Variants in PLXNA4 observed in about 807,000 individuals in gnomAD.
PLXNA4 encodes plexin-A4.
PLXNA4 carries 44 observed loss-of-function variants against 191.8 expected under a neutral mutation model. The ratio of observed to expected loss-of-function variants is 0.23; its 90% CI spans 0.18 to 0.29. PLXNA4 has a LOEUF of 0.29. Among genes scored for constraint, PLXNA4 ranks in the 10% least tolerant of loss-of-function variants. The pLI is 1.00. For missense variants in PLXNA4, 1,800 were observed against 2,488.8 expected (o/e 0.72, Z 5.89); for synonymous variants, 1,082 against 1,009.5 (o/e 1.07, Z -1.36).
intron 3 of PLXNA4, among the ~76,000 whole-genome samples, chr7:132,468,952 A>G (rs1345026157): frequency 6.6e-6 from 1 of 152,028 alleles, no homozygotes; most frequent in African/African-American, 2.4e-5. Context: ...AGCACAGAAC[A>G]TGGCCTGTGG....
chr7:132,497,598 C>T (rs898519505), intron 2 of PLXNA4, among the ~76,000 whole-genome samples: 2 of 152,146 alleles, frequency 1.3e-5, no homozygotes, highest in Admixed American at 1.3e-4. Context: ...ACCTGACTAT[C>T]CAATCCTCTG....
intron 3 of PLXNA4, among the ~76,000 whole-genome samples, chr7:132,346,768 A>G (rs1803260135): frequency 6.6e-6 from 1 of 152,250 alleles, no homozygotes; most frequent in South Asian, 2.1e-4. Flanking sequence ...GAGAATTTAC[A>G]CATACACACA....
chr7:132,527,911 G>A, intron 1 of PLXNA4, among the ~76,000 whole-genome samples: 1 of 152,142 alleles, frequency 6.6e-6, no homozygotes. Flanking sequence ...AGGAGATAAG[G>A]TGACCTTCTG....
intron 21 of PLXNA4, among the ~76,000 whole-genome samples, chr7:132,169,036 C>T (rs1040772082): frequency 1.3e-5 from 2 of 152,208 alleles, no homozygotes; most frequent in African/African-American, 4.8e-5. Context: ...GCTGTTGATA[C>T]ACCAGTGGCC....
chr7:132,235,653 T>A (rs1298972576), intron 5 of PLXNA4, among the ~76,000 whole-genome samples: 1 of 152,292 alleles, frequency 6.6e-6, no homozygotes, highest in East Asian at 1.9e-4. Context: ...CTGATGACTT[T>A]TCTTAAGAAA....
At position 132,126,117 on chromosome 7, in the gene PLXNA4, T is replaced by TTTTC. The variant is rs1239589701; in HGVS notation, c.*4358_*4361dup. 2 of 152,522 alleles carry TTTTC rather than the reference T, an allele frequency of 1.3e-5. No individual in the cohort carries two copies. Among genetic ancestry groups the TTTTC allele is most frequent in the South Asian group, 2.1e-4 (1 of 4,824 alleles). The allele number at this position is 152,522 out of a possible 1,614,324, so 9.4% of individuals were successfully genotyped here. A position where few individuals can be genotyped will look rare whatever the true frequency, so the allele number is the denominator to read the frequency against. On this transcript the variant is annotated 3_prime_UTR_variant, in exon 32 of 32. Coordinates refer to ENST00000321063, the MANE Select transcript of PLXNA4 (RefSeq NM_020911.2). ...GAAAGAAGACAGATGGAAATTGAGC[T>TTTTC]TTTCTTTTTAGGTCACAGAGGGTGG... is the stretch of plus-strand genomic sequence containing the variant.
chr7:132,322,449 C>T (rs983875047), intron 3 of PLXNA4, among the ~76,000 whole-genome samples: 3 of 152,170 alleles, frequency 2.0e-5, no homozygotes, highest in Non-Finnish European at 4.4e-5. Flanking sequence ...TCCCAAAGTG[C>T]TGGGATTACA....
chr7:132,220,815 T>A (rs929395279), intron 9 of PLXNA4, among the ~76,000 whole-genome samples: 4 of 145,262 alleles, frequency 2.8e-5, no homozygotes, highest in South Asian at 4.5e-4. Flanking sequence ...TTATTCTTTT[T>A]TTTTTTTTTT....
chr7:132,165,741 G>A (rs1796103408), intron 22 of PLXNA4, among the ~76,000 whole-genome samples: 1 of 150,612 alleles, frequency 6.6e-6, no homozygotes, highest in Non-Finnish European at 1.5e-5. Flanking sequence ...CCCAAATCCT[G>A]GGGAGGTACC....
chr7:132,574,949 A>T (rs1008008374), intron 1 of PLXNA4, among the ~76,000 whole-genome samples: 1 of 152,076 alleles, frequency 6.6e-6, no homozygotes. Flanking sequence ...TATTTTTTCC[A>T]CTGGTGGGTC....
At chr7:132,141,726 C>T (rs1444153761) in intron 29 of PLXNA4, among the ~76,000 whole-genome samples, 1 of 152,010 alleles carries the variant, frequency 6.6e-6, no homozygotes, top group Non-Finnish European at 1.5e-5. Flanking sequence ...TCTTTCCTTT[C>T]CTTTCTTTCT....
At chr7:132,396,017 TAGAC>T (rs1793740886) in intron 3 of PLXNA4, among the ~76,000 whole-genome samples, 2 of 152,310 alleles carry the variant, frequency 1.3e-5, no homozygotes, top group South Asian at 4.1e-4. Flanking sequence ...TCACTGGAGA[TAGAC>T]AGTGATGTTG....
chr7:132,474,031 C>G (rs1194144369), intron 3 of PLXNA4, among the ~76,000 whole-genome samples: 1 of 151,282 alleles, frequency 6.6e-6, no homozygotes, highest in Non-Finnish European at 1.5e-5. Flanking sequence ...AAGCTGCAAA[C>G]AGAAATGACA....
intron 4 of PLXNA4, among the ~76,000 whole-genome samples, chr7:132,289,282 C>T (rs1403614938): frequency 6.6e-6 from 1 of 152,196 alleles, no homozygotes; most frequent in African/African-American, 2.4e-5. Flanking sequence ...TTTTAAAATG[C>T]AACCCTTTCA....
At position 132,180,736 on chromosome 7, in the gene PLXNA4, T is replaced by C. The variant is rs2116738010; in HGVS notation, c.3493-4A>G. On this transcript the variant is annotated splice_polypyrimidine_tract_variant and splice_region_variant and intron_variant, in intron 18 of 31. Transcript: ENST00000321063. ...CAGGCGGGATCAGGTTCTTGCCCTG[T>C]ACAAATGGGAAAGCACCAGTTCCCA... 2 of 1,611,582 alleles carry C rather than the reference T, an allele frequency of 1.2e-6. No individual in the cohort carries two copies. The highest frequency in any genetic ancestry group is 1.7e-6 in the Non-Finnish European group (2 of 1,177,930).
At chr7:132,274,258 G>A (rs866284204) in intron 4 of PLXNA4, among the ~76,000 whole-genome samples, 8 of 150,854 alleles carry the variant, frequency 5.3e-5, no homozygotes, top group African/African-American at 1.7e-4. Flanking sequence ...TGGTAATTAC[G>A]CTAATATGTA....
rs1461720705 is a variant in PLXNA4 at position 132,621,494 on chromosome 7, C to CA, written c.-87+24433dup. ...CAGGATGGTCTCCATCTTTTGACTT[C>CA]ATGATCTGCCCGCCTCAGCCTCCCA... On this transcript the variant is annotated intron_variant, in intron 2 of 4. Transcript: ENST00000378539. Among the ~76,000 whole-genome samples, 9 of 152,076 alleles carry CA rather than the reference C, an allele frequency of 5.9e-5. No individual in the cohort carries two copies. In the South Asian group the frequency reaches 1.9e-3, roughly 32 times the overall value.
intron 3 of PLXNA4, among the ~76,000 whole-genome samples, chr7:132,391,563 C>T (rs1023394358): frequency 9.2e-5 from 14 of 152,270 alleles, no homozygotes; most frequent in Middle Eastern, 3.4e-3. Flanking sequence ...AAAGGAGAAT[C>T]GTGTAGGGCA....
At chr7:132,153,155 T>G (rs1795694374) in intron 25 of PLXNA4, among the ~76,000 whole-genome samples, 1 of 152,002 alleles carries the variant, frequency 6.6e-6, no homozygotes, top group Non-Finnish European at 1.5e-5. Context: ...CCAGGTTAAA[T>G]TGTGAAGGAT....
Sources: allele counts gnomAD v4.1 joint callset (sites outside exome capture counted in the v4.1 genomes callset), GRCh38; gene constraint gnomAD v4.1.1; transcripts MANE v1.5; gene names NCBI Gene and HGNC (gene_info 2026-07-23, HGNC 2026-07-21).